The following RIMS4 variants were observed in gnomAD, a reference collection of about 807,000 sequenced individuals.
The protein encoded by RIMS4 is regulating synaptic membrane exocytosis protein 4.
RIMS4 carries 9 observed loss-of-function variants against 29.0 expected under a neutral mutation model. The ratio of observed to expected loss-of-function variants is 0.31; its 90% CI spans 0.19 to 0.54. The LOEUF is 0.54. Ranked by LOEUF, RIMS4 falls within the 20% of genes least tolerant of loss-of-function variation. RIMS4 has a pLI of 0.94. For missense variants in RIMS4, 193 were observed against 365.7 expected, an observed-to-expected ratio of 0.53 and a Z score of 3.85; for synonymous variants, 130 against 152.9, an observed-to-expected ratio of 0.85 and a Z score of 1.10.
At chr20:44,787,213 G>T (rs2066212484) in intron 1 of RIMS4, among the ~76,000 whole-genome samples, 1 of 152,150 alleles carries the variant, frequency 6.6e-6, no homozygotes. Context: ...GGTGTGAGAT[G>T]AGGTTTGAGA....
rs1246737632 is a variant in RIMS4, at chr20:44,753,946, C to T, written c.*2188G>A. The T allele has an allele frequency of 6.6e-6, 1 of 152,654 alleles. No individual in the cohort carries two copies. Among genetic ancestry groups the T allele is most frequent in the Non-Finnish European group, 1.5e-5 (1 of 68,076 alleles). The allele number at this position is 152,654 out of a possible 1,614,324, so 9.5% of individuals were successfully genotyped here. A position where few individuals can be genotyped will look rare whatever the true frequency, so the allele number is the denominator to read the frequency against. On this transcript the variant is annotated 3_prime_UTR_variant, in exon 6 of 6. Coordinates refer to ENST00000372851, the MANE Select transcript of RIMS4 (RefSeq NM_182970.4). Reference sequence around the variant, plus strand: ...ACACCAGGGGAAGGGCTCAGGCTGTCAGGGCCAAGCCCCTGCTCCCCCTGG... The same window carrying T: ...ACACCAGGGGAAGGGCTCAGGCTGTTAGGGCCAAGCCCCTGCTCCCCCTGG...
chr20:44,788,867 T>C (rs912428087), intron 1 of RIMS4, among the ~76,000 whole-genome samples: 1 of 152,158 alleles, frequency 6.6e-6, no homozygotes, highest in Non-Finnish European at 1.5e-5. Context: ...TTTCACAATG[T>C]ACTCCATCAA....
chr20:44,771,394 C>T lies in RIMS4; in HGVS notation c.117G>A (p.Lys39=), dbSNP rs6065754. The change falls in exon 2 of 6, where the codon AAG becomes AAA. Residue 39 remains lysine, a synonymous_variant. Coordinates refer to ENST00000372851, the MANE Select transcript of RIMS4 (RefSeq NM_182970.4). ...DEDAGDSRRL[K]GAIQRSTETG... is the part of the protein sequence containing the mutation. Reference sequence around the variant, plus strand: ...TCTCCGTGCTCCTCTGGATGGCCCCCTTCAGCCTCCGGCTGTCCCCTTCTG... The same window carrying T: ...TCTCCGTGCTCCTCTGGATGGCCCCTTTCAGCCTCCGGCTGTCCCCTTCTG... 2.5e-6 allele frequency: 4 copies of T among 1,612,870 alleles called. No individual in the cohort carries two copies. The South Asian group carries it at 3.3e-5, about 13-fold the overall frequency.
At position 44,777,135 on chromosome 20, in the gene RIMS4, G is replaced by C. The variant is rs140327843; in HGVS notation, c.98-5722C>G. Among the ~76,000 whole-genome samples the C allele has an allele frequency of 7.4e-3, 1,127 of 152,276 alleles. 2 individuals are homozygous for C. Among genetic ancestry groups the C allele is most frequent in the Middle Eastern group, 0.024 (7 of 294 alleles). ...TTGAAACACAGTTCTCATCCACCTA[G>C]TCGATGTCAGTGTTTACAGCGTGAG... On this transcript the variant is annotated intron_variant, in intron 1 of 5. Coordinates refer to ENST00000372851, the MANE Select transcript of RIMS4 (RefSeq NM_182970.4).
Position 44,752,871 on chromosome 20 carries a change from C to T in RIMS4, c.*3263G>A, listed in dbSNP as rs2066040444. The T allele has an allele frequency of 6.6e-6, 1 of 152,468 alleles. No homozygotes were observed. Among genetic ancestry groups the T allele is most frequent in the Non-Finnish European group, 1.5e-5 (1 of 68,230 alleles). The allele number at this position is 152,468 out of a possible 1,614,324, so 9.4% of individuals were successfully genotyped here. A position where few individuals can be genotyped will look rare whatever the true frequency, so the allele number is the denominator to read the frequency against. ...CCACCCAGGCATCAAGGTCTAGACCCAATCCTGTGTACCCTCAGTCAGCTG... is the reference window on the plus strand; with the variant it reads ...CCACCCAGGCATCAAGGTCTAGACCTAATCCTGTGTACCCTCAGTCAGCTG... On this transcript the variant is annotated 3_prime_UTR_variant, in exon 6 of 6. Transcript: ENST00000372851.
At chr20:44,774,414 T>C (rs1340612595) in intron 1 of RIMS4, among the ~76,000 whole-genome samples, 1 of 152,050 alleles carries the variant, frequency 6.6e-6, no homozygotes, top group Non-Finnish European at 1.5e-5. Context: ...GGTGGCATCA[T>C]CTAATCGGCT....
chr20:44,787,529 G>C (rs1400945007), intron 1 of RIMS4, among the ~76,000 whole-genome samples: 1 of 152,032 alleles, frequency 6.6e-6, no homozygotes, highest in Non-Finnish European at 1.5e-5. Flanking sequence ...CGGGAACACC[G>C]GCCGCCTGGA....
Position 44,757,159 on chromosome 20 carries a change from G to A in RIMS4, c.452-122C>T. 3.5e-6 allele frequency: 4 copies of A among 1,128,076 alleles called. No homozygotes were observed. In the South Asian group the frequency reaches 5.8e-5, roughly 16 times the overall value. The allele number at this position is 1,128,076 out of a possible 1,614,324, so 69.9% of individuals were successfully genotyped here. On this transcript the variant is annotated intron_variant, in intron 4 of 5. Transcript: ENST00000372851. ...TAGGTGTGCCCCCATGGGGTCTGGG[G>A]AGGACGCACCAGGACACATGGGGGG...
In RIMS4 at chr20:44,800,396, G is replaced by A. The variant is rs187730807; in HGVS notation, c.97+9779C>T. 5.6e-4 allele frequency among the ~76,000 whole-genome samples: 85 copies of A among 152,082 alleles called. 1 individual carries two copies. Among genetic ancestry groups the A allele is most frequent in the East Asian group, 2.9e-3 (15 of 5,182 alleles). On this transcript the variant is annotated intron_variant, in intron 1 of 5. Transcript: ENST00000372851. ...AATAACAGCATAAAGCATTATAAAA[G>A]CTGATAACAGTGCTTGTACCAGGGA...
At chr20:44,764,255 C>CATCCATCCA (rs1325046131) in intron 2 of RIMS4, among the ~76,000 whole-genome samples, 209 of 144,106 alleles carry the variant, frequency 1.5e-3, no homozygotes, top group South Asian at 2.0e-3. Context: ...TCCATCCATC[C>CATCCATCCA]TCCCACAAAC....
chr20:44,800,453 C>A (rs2145478562), intron 1 of RIMS4, among the ~76,000 whole-genome samples: 1 of 152,096 alleles, frequency 6.6e-6, no homozygotes, highest in African/African-American at 2.4e-5. Context: ...CAGGGGTGCC[C>A]AGGACACTTC....
intron 1 of RIMS4, among the ~76,000 whole-genome samples, chr20:44,789,662 C>T (rs1184859964): frequency 6.6e-6 from 1 of 152,052 alleles, no homozygotes; most frequent in East Asian, 1.9e-4. Context: ...GCTCAGCAAT[C>T]GTCGTACGTC....
chr20:44,792,942 C>G (rs2066239298), intron 1 of RIMS4, among the ~76,000 whole-genome samples: 1 of 152,110 alleles, frequency 6.6e-6, no homozygotes, highest in African/African-American at 2.4e-5. Flanking sequence ...AGCAGAGGTA[C>G]AGCCTGTTTT....
chr20:44,786,860 A>G (rs1477384832), intron 1 of RIMS4, among the ~76,000 whole-genome samples: 2 of 152,230 alleles, frequency 1.3e-5, no homozygotes, highest in Non-Finnish European at 2.9e-5. Context: ...TCATTCATTC[A>G]TTCACTCATT....
intron 1 of RIMS4, among the ~76,000 whole-genome samples, chr20:44,792,260 T>C (rs1416239566): frequency 2.6e-5 from 4 of 151,892 alleles, no homozygotes; most frequent in Non-Finnish European, 4.4e-5. Context: ...CAGACTCGAG[T>C]GTCAGGCAGG....
intron 1 of RIMS4, among the ~76,000 whole-genome samples, chr20:44,790,681 A>C (rs2066229061): frequency 1.3e-5 from 2 of 152,212 alleles, no homozygotes; most frequent in South Asian, 4.1e-4. Context: ...TGCTCCATGA[A>C]GGATGGACAG....
chr20:44,758,030 C>A, intron 3 of RIMS4, 42 bp downstream of exon 3: 1 of 1,415,820 alleles, frequency 7.1e-7, no homozygotes, highest in African/African-American at 1.4e-5. Context: ...GTGTGACACC[C>A]AACTCCCCTA....
intron 1 of RIMS4, among the ~76,000 whole-genome samples, chr20:44,778,332 C>T (rs1292195342): frequency 6.6e-6 from 1 of 152,188 alleles, no homozygotes; most frequent in Non-Finnish European, 1.5e-5. Flanking sequence ...CTTTATTGTA[C>T]AGAGGGCAAC....
Position 44,755,974 on chromosome 20 carries a change from G to T in RIMS4, c.*160C>A. The T allele has an allele frequency of 1.6e-6, 1 of 610,146 alleles. No homozygotes were observed. The allele number at this position is 610,146 out of a possible 1,614,324, so 37.8% of individuals were successfully genotyped here. A position where few individuals can be genotyped will look rare whatever the true frequency, so the allele number is the denominator to read the frequency against. ...GTCTCGGGGGTAGGAGGCAAAGAAG[G>T]GGTGAGGAGGGGCCCAAGGGGGGGC... On this transcript the variant is annotated 3_prime_UTR_variant, in exon 6 of 6. Coordinates refer to ENST00000372851, the MANE Select transcript of RIMS4 (RefSeq NM_182970.4).
Sources: allele counts gnomAD v4.1 joint callset (sites outside exome capture counted in the v4.1 genomes callset), GRCh38; gene constraint gnomAD v4.1.1; transcripts MANE v1.5; gene names NCBI Gene and HGNC (gene_info 2026-07-23, HGNC 2026-07-21).